Variants in UMAD1 observed in about 807,000 individuals in gnomAD.
UMAD1 encodes the protein UBAP1-MVB12-associated (UMA) domain containing 1.
In UMAD1, 8 loss-of-function variants were observed where a neutral mutation model predicts 6.1. The ratio of observed to expected loss-of-function variants is 1.30; its 90% CI spans 0.76 to 2.35. The LOEUF is 2.35. UMAD1 is among the 30% of genes most tolerant of loss of function. The pLI is 0.00. For missense variants in UMAD1, 130 were observed against 78.4 expected (o/e 1.66, Z -2.49); for synonymous variants, 56 against 31.4 (o/e 1.78, Z -2.61).
intron 2 of UMAD1, chr7:7,689,382 A>G: frequency 6.6e-6 from 1 of 152,166 alleles, no homozygotes; most frequent in South Asian, 2.1e-4. Flanking sequence ...GGCAGAGTAA[A>G]AGGAGGAAGC....
intron 2 of UMAD1, among the ~76,000 whole-genome samples, chr7:7,695,836 T>C (rs1780300713): frequency 6.6e-6 from 1 of 152,206 alleles, no homozygotes; most frequent in African/African-American, 2.4e-5. Context: ...ATGCTGATTA[T>C]AAGTTAAGCA....
intron 2 of UMAD1, among the ~76,000 whole-genome samples, chr7:7,700,540 C>G (rs2115152939): frequency 6.6e-6 from 1 of 152,116 alleles, no homozygotes; most frequent in South Asian, 2.1e-4. Flanking sequence ...TACTGGGTAA[C>G]ATAGTGAGAC....
intron 1 of UMAD1, among the ~76,000 whole-genome samples, chr7:7,650,200 A>G (rs572632661): frequency 9.2e-5 from 14 of 152,280 alleles, no homozygotes; most frequent in African/African-American, 3.1e-4. Context: ...TAATCCCACA[A>G]TTTACGTTCT....
intron 2 of UMAD1, among the ~76,000 whole-genome samples, chr7:7,752,733 A>G (rs1211969389): frequency 1.3e-5 from 2 of 152,128 alleles, no homozygotes; most frequent in Non-Finnish European, 2.9e-5. Flanking sequence ...AATTTTAGAA[A>G]AAAGCATTAT....
intron 2 of UMAD1, among the ~76,000 whole-genome samples, chr7:7,775,487 T>G (rs1469611940): frequency 6.6e-6 from 1 of 152,168 alleles, no homozygotes; most frequent in Non-Finnish European, 1.5e-5. Context: ...AGAGGTGCCT[T>G]CCGCCATGAT....
intron 2 of UMAD1, among the ~76,000 whole-genome samples, chr7:7,724,788 A>G (rs995649253): frequency 2.0e-5 from 3 of 152,198 alleles, no homozygotes; most frequent in African/African-American, 7.2e-5. Flanking sequence ...TGACTTGGCA[A>G]ATGCCCTTTT....
At chr7:7,788,156 T>A (rs973249868) in intron 2 of UMAD1, among the ~76,000 whole-genome samples, 12 of 152,214 alleles carry the variant, frequency 7.9e-5, no homozygotes, top group Non-Finnish European at 1.8e-4. Flanking sequence ...CAACAACTAT[T>A]AAACAAGGTA....
chr7:7,833,609 A>C (rs1479321979), intron 3 of UMAD1, among the ~76,000 whole-genome samples: 1 of 152,192 alleles, frequency 6.6e-6, no homozygotes, highest in Non-Finnish European at 1.5e-5. Flanking sequence ...TTCAGAGAAT[A>C]ACTCTTGGTA....
chr7:7,764,244 A>G (rs973003546), intron 2 of UMAD1, among the ~76,000 whole-genome samples: 7 of 152,196 alleles, frequency 4.6e-5, no homozygotes, highest in African/African-American at 1.7e-4. Flanking sequence ...TCTCTTACAA[A>G]TGTCAGTGTT....
intron 2 of UMAD1, among the ~76,000 whole-genome samples, chr7:7,771,066 G>A (rs1475408362): frequency 6.6e-6 from 1 of 151,856 alleles, no homozygotes; most frequent in Non-Finnish European, 1.5e-5. Flanking sequence ...GAGAACAAAT[G>A]GCAGAAAGAA....
intron 1 of UMAD1, among the ~76,000 whole-genome samples, chr7:7,671,633 C>T (rs1045850295): frequency 5.3e-5 from 8 of 152,022 alleles, no homozygotes; most frequent in Admixed American, 4.6e-4. Context: ...TCTTTTCTGA[C>T]CTCATTTTTT....
At chr7:7,652,178 T>C (rs1416875104) in intron 1 of UMAD1, among the ~76,000 whole-genome samples, 4 of 152,222 alleles carry the variant, frequency 2.6e-5, no homozygotes, top group African/African-American at 9.6e-5. Context: ...CACATCTTCT[T>C]TGTGGTTCAT....
At chr7:7,838,092 G>C (rs1179423499) in intron 3 of UMAD1, among the ~76,000 whole-genome samples, 1 of 152,120 alleles carries the variant, frequency 6.6e-6, no homozygotes, top group African/African-American at 2.4e-5. Context: ...CAGAATTGGA[G>C]GTTGGAATCT....
intron 3 of UMAD1, among the ~76,000 whole-genome samples, chr7:7,812,026 C>T (rs141118635): frequency 1.8e-3 from 279 of 152,304 alleles, no homozygotes; most frequent in Non-Finnish European, 2.9e-3. Flanking sequence ...AGGTCTTTTT[C>T]GTAACTTCAA....
rs1784477385 is a variant in UMAD1 at position 7,878,995 on chromosome 7, T to A, written c.*1457T>A. The A allele has an allele frequency of 6.6e-6, 1 of 152,170 alleles. No homozygotes were observed. Among genetic ancestry groups the A allele is most frequent in the Non-Finnish European group, 1.5e-5 (1 of 68,010 alleles). 9.4% of individuals were successfully genotyped at this position (152,170 alleles called of 1,614,324 possible). A position where few individuals can be genotyped will look rare whatever the true frequency, so the allele number is the denominator to read the frequency against. ...TTTGTAGTAGTTTTGTAAAAGAACA[T>A]CCTTTTCAAATATCTGTGTTAATGT... On this transcript the variant is annotated 3_prime_UTR_variant, in exon 4 of 4. Coordinates refer to ENST00000682710, the MANE Select transcript of UMAD1 (RefSeq NM_001302348.2).
chr7:7,785,559 T>C (rs1782446974), intron 2 of UMAD1, among the ~76,000 whole-genome samples: 1 of 152,130 alleles, frequency 6.6e-6, no homozygotes, highest in Admixed American at 6.5e-5. Flanking sequence ...AAAGGCCAGG[T>C]CTGTGTTAAG....
intron 3 of UMAD1, among the ~76,000 whole-genome samples, chr7:7,819,465 A>G (rs575995671): frequency 6.6e-6 from 1 of 152,270 alleles, no homozygotes; most frequent in African/African-American, 2.4e-5. Flanking sequence ...TAGGTATGCT[A>G]TGCTATACAC....
intron 2 of UMAD1, among the ~76,000 whole-genome samples, chr7:7,740,473 G>T (rs1180986620): frequency 1.3e-5 from 2 of 152,186 alleles, no homozygotes; most frequent in East Asian, 3.8e-4. Flanking sequence ...AGATTGACAA[G>T]TTTTCTATCA....
At chr7:7,873,569 C>G (rs1308864470) in intron 3 of UMAD1, among the ~76,000 whole-genome samples, 2 of 152,118 alleles carry the variant, frequency 1.3e-5, no homozygotes, top group Non-Finnish European at 2.9e-5. Flanking sequence ...AGTTGCAGTC[C>G]TAAAACAGTA....
Sources: allele counts gnomAD v4.1 joint callset (sites outside exome capture counted in the v4.1 genomes callset), GRCh38; gene constraint gnomAD v4.1.1; transcripts MANE v1.5; gene names NCBI Gene and HGNC (gene_info 2026-07-23, HGNC 2026-07-21).